The following C16orf95 variants were observed in gnomAD, a reference collection of about 807,000 sequenced individuals.
C16orf95 encodes chromosome 16 open reading frame 95, also known as uncharacterized protein C16orf95.
C16orf95 carries 41 observed loss-of-function variants against 32.1 expected under a neutral mutation model. The observed-to-expected ratio is 1.28, with a 90% CI of 1.00 to 1.66. The LOEUF (loss-of-function observed/expected upper bound fraction) is 1.66. Ranked by LOEUF, C16orf95 falls within the 40% of genes most tolerant of loss-of-function variation. The probability of loss-of-function intolerance (pLI) is 0.00; values close to 1 mark genes in which losing one functional copy is unlikely to be tolerated. For missense variants in C16orf95, 399 were observed against 325.9 expected (o/e 1.22, Z -1.73); for synonymous variants, 147 against 128.9 (o/e 1.14, Z -0.95).
chr16:87,303,735 G>A (rs1193963415), intron 6 of C16orf95: 2 of 152,518 alleles, frequency 1.3e-5, no homozygotes, highest in African/African-American at 4.8e-5. Context: ...GGCCCTCCAA[G>A]TGCCAGAATT....
chr16:87,308,476 CAATAAATAAATAAATA>C (rs60809347), intron 5 of C16orf95, among the ~76,000 whole-genome samples: 42,535 of 146,798 alleles, frequency 0.29, 7,496 homozygotes, highest in Non-Finnish European at 0.41. Flanking sequence ...GACTGCATCT[CAATAAATAAATAAATA>C]AATAAATAAA....
chr16:87,312,591 G>C (rs913022066), intron 3 of C16orf95, among the ~76,000 whole-genome samples: 1 of 138,298 alleles, frequency 7.2e-6, no homozygotes, highest in Non-Finnish European at 1.6e-5. Context: ...AAAAAAGAAA[G>C]AAAAGAAAAG....
rs551100508 is a variant in C16orf95, at chr16:87,310,241, G to A, written c.514+56C>T. Reference sequence around the variant, plus strand: ...CTGCCCCCACCATCATGATGCTCACGAACCCCACCTTTCTGGGGAGGGGGA... The same window carrying A: ...CTGCCCCCACCATCATGATGCTCACAAACCCCACCTTTCTGGGGAGGGGGA... On this transcript the variant is annotated intron_variant, in intron 5 of 6. Coordinates refer to ENST00000567970, the MANE Select transcript of C16orf95 (RefSeq NM_001195124.3). 75 of 1,510,554 alleles carry A rather than the reference G, an allele frequency of 5.0e-5. 1 individual carries two copies. The highest frequency in any genetic ancestry group is 6.3e-5 in the Non-Finnish European group (71 of 1,123,864). The allele number at this position is 1,510,554 out of a possible 1,614,324, so 93.6% of individuals were successfully genotyped here. A position where few individuals can be genotyped will look rare whatever the true frequency, so the allele number is the denominator to read the frequency against.
In C16orf95 at chr16:87,303,032, T is replaced by G. The variant is rs1031349295; in HGVS notation, c.*25A>C. ...TCGTGACACATTTTTGTGGCTGTTC[T>G]TGACAGTAGCTGAAGATTCCAACTT... On this transcript the variant is annotated 3_prime_UTR_variant, in exon 7 of 7. Coordinates refer to ENST00000567970, the MANE Select transcript of C16orf95 (RefSeq NM_001195124.3). 2.0e-6 allele frequency: 3 copies of G among 1,535,832 alleles called. No homozygotes were observed. In the African/African-American group the frequency reaches 4.1e-5, roughly 21 times the overall value.
At chr16:87,312,240 G>C (rs1911314366) in intron 3 of C16orf95, among the ~76,000 whole-genome samples, 1 of 152,176 alleles carries the variant, frequency 6.6e-6, no homozygotes, top group Non-Finnish European at 1.5e-5. Context: ...AGGAGGAGGA[G>C]TTACAGCTCT....
At chr16:87,310,174 T>C (rs1911216667) in intron 5 of C16orf95, 123 bp downstream of exon 5, 2 of 988,618 alleles carry the variant, frequency 2.0e-6, no homozygotes, top group African/African-American at 1.6e-5. Context: ...GCCACATTCA[T>C]GTCACTGTCA....
At position 87,305,717 on chromosome 16, in the gene C16orf95, A is replaced by G; in HGVS notation, c.701+2T>C. 1.3e-6 allele frequency: 2 copies of G among 1,498,012 alleles called. No homozygotes were observed. Among genetic ancestry groups the G allele is most frequent in the Non-Finnish European group, 1.8e-6 (2 of 1,129,354 alleles). 92.8% of individuals were successfully genotyped at this position (1,498,012 alleles called of 1,614,324 possible). ...ACTGTCCCCCATCCCCCACCTGCTC[A>G]CCGAATGGCCATGATGACCCTCGGG... On this transcript the variant is annotated splice_donor_variant, in intron 6 of 6. Transcript: ENST00000567970. LOFTEE classifies it high-confidence loss of function. The surrounding 1 kb of genome is among the most constrained non-coding windows in gnomAD (Gnocchi z 4.2).
chr16:87,313,608 G>A (rs1337534470), intron 3 of C16orf95, among the ~76,000 whole-genome samples: 2 of 152,120 alleles, frequency 1.3e-5, no homozygotes, highest in South Asian at 2.1e-4. Context: ...GGTGGTGCAC[G>A]CCTGTGGTCC....
chr16:87,316,037 G>T (rs1180408676), intron 1 of C16orf95, among the ~76,000 whole-genome samples: 1 of 152,138 alleles, frequency 6.6e-6, no homozygotes, highest in Non-Finnish European at 1.5e-5. Flanking sequence ...AGGGGCTCCT[G>T]GGGGCTGGCT....
chr16:87,303,526 T>G, intron 6 of C16orf95: 1 of 173,400 alleles, frequency 5.8e-6, no homozygotes, highest in Non-Finnish European at 1.3e-5. Flanking sequence ...GCTTGGGGCA[T>G]CTCACAGGGC....
At chr16:87,303,992 T>C (rs940997830) in intron 6 of C16orf95, among the ~76,000 whole-genome samples, 5 of 152,178 alleles carry the variant, frequency 3.3e-5, no homozygotes, top group African/African-American at 1.2e-4. Context: ...CCCCTGACCA[T>C]CTACTTAACA....
At chr16:87,303,206 T>A in intron 6 of C16orf95, 131 bp from the exon 7 acceptor site, 2 of 888,994 alleles carry the variant, frequency 2.2e-6, no homozygotes, top group East Asian at 2.7e-5. Context: ...GCTGGAGGAA[T>A]CCCAGGCAGG....
At chr16:87,312,947 A>G (rs1376551608) in intron 3 of C16orf95, among the ~76,000 whole-genome samples, 1 of 152,256 alleles carries the variant, frequency 6.6e-6, no homozygotes, top group East Asian at 1.9e-4. Context: ...TGAAATACTT[A>G]TGGGTAAATC....
intron 1 of C16orf95, among the ~76,000 whole-genome samples, 155 bp from the exon 2 acceptor site, chr16:87,315,978 A>G (rs1904323898): frequency 6.6e-6 from 1 of 152,152 alleles, no homozygotes; most frequent in Non-Finnish European, 1.5e-5. Flanking sequence ...AAGAAGAGTG[A>G]GAGGGTGACA....
chr16:87,308,611 T>G (rs1479686036), intron 5 of C16orf95, among the ~76,000 whole-genome samples: 1 of 152,226 alleles, frequency 6.6e-6, no homozygotes, highest in Non-Finnish European at 1.5e-5. Flanking sequence ...CCTCTGCTCT[T>G]GTCCCATCCA....
chr16:87,315,652 C>T, intron 2 of C16orf95, 120 bp downstream of exon 2: 1 of 783,016 alleles, frequency 1.3e-6, no homozygotes, highest in Non-Finnish European at 1.9e-6. Flanking sequence ...TGCAACCACA[C>T]TTTTGTGTTT....
intron 5 of C16orf95, among the ~76,000 whole-genome samples, chr16:87,309,133 A>G (rs1466795796): frequency 6.6e-6 from 1 of 152,046 alleles, no homozygotes; most frequent in African/African-American, 2.4e-5. Flanking sequence ...CCATTGTTCC[A>G]CTCAAACTTC....
In C16orf95 at chr16:87,303,015, C is replaced by A. The variant is rs1377620045; in HGVS notation, c.*42G>T. On this transcript the variant is annotated 3_prime_UTR_variant, in exon 7 of 7. Transcript: ENST00000567970. Reference sequence around the variant, plus strand: ...ACTCTCAAAGATCTTGATCGTGACACATTTTTGTGGCTGTTCTTGACAGTA... The same window carrying A: ...ACTCTCAAAGATCTTGATCGTGACAAATTTTTGTGGCTGTTCTTGACAGTA... 1.3e-5 allele frequency: 20 copies of A among 1,533,958 alleles called. No individual in the cohort carries two copies. The highest frequency in any genetic ancestry group is 1.7e-5 in the Non-Finnish European group (19 of 1,144,888).
chr16:87,302,959 G>C lies in C16orf95; in HGVS notation c.*98C>G. 2 of 1,240,588 alleles carry C rather than the reference G, an allele frequency of 1.6e-6. No individual in the cohort carries two copies. The highest frequency in any genetic ancestry group is 2.6e-5 in the South Asian group (2 of 78,032). The allele number at this position is 1,240,588 out of a possible 1,614,324, so 76.8% of individuals were successfully genotyped here. A position where few individuals can be genotyped will look rare whatever the true frequency, so the allele number is the denominator to read the frequency against. On this transcript the variant is annotated 3_prime_UTR_variant, in exon 7 of 7. Transcript: ENST00000567970. ...GTGTGGATTCTGTTCTGAGAAGACA[G>C]CGACTGTCACAGACGCCTCCTGATT...
Sources: gnomAD v4.1 joint callset for allele counts (sites outside exome capture counted in the v4.1 genomes callset) on GRCh38, gnomAD v4.1.1 for gene constraint, Gnocchi (gnomAD v3.1) non-coding constraint, MANE v1.5 for transcripts, NCBI Gene and HGNC (gene_info 2026-07-23, HGNC 2026-07-21) for gene names.